PTPRD: variants seen among roughly 807,000 people sequenced by gnomAD.
PTPRD encodes the protein receptor-type tyrosine-protein phosphatase delta.
PTPRD carries 34 observed loss-of-function variants against 214.5 expected under a neutral mutation model. That is an observed-to-expected ratio of 0.16 (90% confidence interval 0.12 to 0.21). PTPRD has a LOEUF of 0.21. PTPRD is among the 10% of genes least tolerant of loss of function. PTPRD has a pLI of 1.00. For missense variants in PTPRD, 2,545 were observed against 2,398.7 expected, an observed-to-expected ratio of 1.06 and a Z score of -1.27; for synonymous variants, 1,128 against 845.7, an observed-to-expected ratio of 1.33 and a Z score of -5.79.
chr9:9,435,246 C>T (rs1188852591), intron 8 of PTPRD, among the ~76,000 whole-genome samples: 1 of 151,978 alleles, frequency 6.6e-6, no homozygotes, highest in Non-Finnish European at 1.5e-5. Flanking sequence ...TGCGGTGGCT[C>T]ACACTTGTAA....
At chr9:9,809,311 A>T (rs2046413687) in intron 5 of PTPRD, among the ~76,000 whole-genome samples, 1 of 137,378 alleles carries the variant, frequency 7.3e-6, no homozygotes. Context: ...TCTGTCTCCC[A>T]AACTGGAGTG....
At chr9:9,972,305 C>G (rs890653544) in intron 4 of PTPRD, among the ~76,000 whole-genome samples, 3 of 152,078 alleles carry the variant, frequency 2.0e-5, no homozygotes, top group Non-Finnish European at 4.4e-5. Context: ...AAAACTTGCC[C>G]CTATTTTTGC....
At chr9:9,910,835 A>C (rs1021591243) in intron 5 of PTPRD, among the ~76,000 whole-genome samples, 2 of 152,020 alleles carry the variant, frequency 1.3e-5, no homozygotes, top group African/African-American at 4.8e-5. Flanking sequence ...AATACTTGGA[A>C]AACTGAGAAG....
intron 43 of PTPRD, among the ~76,000 whole-genome samples, chr9:8,332,342 CAG>C (rs1564006100): frequency 6.6e-6 from 1 of 152,094 alleles, no homozygotes; most frequent in African/African-American, 2.4e-5. Context: ...CCCCATGTCT[CAG>C]AGGAATACCA....
chr9:9,217,826 CAT>C (rs1434837843), intron 9 of PTPRD, among the ~76,000 whole-genome samples: 2 of 152,092 alleles, frequency 1.3e-5, no homozygotes, highest in African/African-American at 4.8e-5. Flanking sequence ...TTATCTTGTC[CAT>C]ATGTTTTCTG....
At chr9:9,273,334 G>C (rs541938402) in intron 9 of PTPRD, among the ~76,000 whole-genome samples, 139 of 151,218 alleles carry the variant, frequency 9.2e-4, no homozygotes, top group South Asian at 1.9e-3. Context: ...GAGATCCTCT[G>C]CCACAACAGT....
intron 7 of PTPRD, among the ~76,000 whole-genome samples, chr9:9,612,694 A>G (rs10977876): frequency 0.34 from 51,793 of 151,860 alleles, 9,196 homozygotes; most frequent in Middle Eastern, 0.43. Flanking sequence ...AAAGGAATAT[A>G]AGAAAAACAA....
intron 34 of PTPRD, among the ~76,000 whole-genome samples, chr9:8,449,143 T>G (rs189924372): frequency 2.0e-5 from 3 of 152,294 alleles, no homozygotes; most frequent in Admixed American, 2.0e-4. Context: ...AACAAGTATA[T>G]TTTTTGTTAT....
At chr9:9,132,994 T>A (rs759852394) in intron 10 of PTPRD, among the ~76,000 whole-genome samples, 3 of 152,234 alleles carry the variant, frequency 2.0e-5, no homozygotes, top group Non-Finnish European at 2.9e-5. Flanking sequence ...GTTTTTCTTT[T>A]TTCATTTTTT....
At chr9:9,103,466 A>G (rs2099794124) in intron 10 of PTPRD, among the ~76,000 whole-genome samples, 1 of 152,224 alleles carries the variant, frequency 6.6e-6, no homozygotes, top group African/African-American at 2.4e-5. Context: ...ACAAGTAAAT[A>G]TATGATGAAC....
intron 36 of PTPRD, among the ~76,000 whole-genome samples, chr9:8,392,209 C>T (rs1367285927): frequency 6.6e-6 from 1 of 151,886 alleles, no homozygotes; most frequent in Non-Finnish European, 1.5e-5. Flanking sequence ...CATGGTGAGA[C>T]CCTGTCTCTA....
intron 2 of PTPRD, among the ~76,000 whole-genome samples, chr9:10,383,574 C>CT (rs994260582): frequency 4.0e-5 from 6 of 151,510 alleles, no homozygotes; most frequent in African/African-American, 1.5e-4. Flanking sequence ...ACTCACTTTT[C>CT]TTTTTTTAAT....
At chr9:10,315,843 G>C (rs984735571) in intron 3 of PTPRD, among the ~76,000 whole-genome samples, 2 of 151,806 alleles carry the variant, frequency 1.3e-5, no homozygotes, top group African/African-American at 4.8e-5. Context: ...TTGTTAGTTG[G>C]TGGCTTATGC....
chr9:9,705,815 C>G (rs1050354872), intron 7 of PTPRD, among the ~76,000 whole-genome samples: 1 of 152,058 alleles, frequency 6.6e-6, no homozygotes. Flanking sequence ...TTCTTGAAGT[C>G]TAATTGTAAT....
chr9:10,036,613 C>A (rs1235369024), intron 3 of PTPRD, among the ~76,000 whole-genome samples: 1 of 151,492 alleles, frequency 6.6e-6, no homozygotes, highest in Non-Finnish European at 1.5e-5. Flanking sequence ...TGAAACGGAG[C>A]CTGGTTCTGT....
chr9:10,228,172 C>A (rs1055134628), intron 3 of PTPRD, among the ~76,000 whole-genome samples: 4 of 151,850 alleles, frequency 2.6e-5, no homozygotes, highest in Admixed American at 6.6e-5. Flanking sequence ...AATCTTGGAA[C>A]ACAACTCGTT....
At chr9:9,838,257 G>A (rs2057371247) in intron 5 of PTPRD, among the ~76,000 whole-genome samples, 1 of 152,148 alleles carries the variant, frequency 6.6e-6, no homozygotes, top group African/African-American at 2.4e-5. Context: ...ATAGCAGCAT[G>A]ATTTGTAGTC....
At chr9:9,438,623 G>A (rs1003491472) in intron 8 of PTPRD, among the ~76,000 whole-genome samples, 1 of 152,098 alleles carries the variant, frequency 6.6e-6, no homozygotes, top group Non-Finnish European at 1.5e-5. Context: ...CTATGATGCC[G>A]AGCTTTATCA....
At chr9:8,863,126 C>T (rs77369623) in intron 11 of PTPRD, among the ~76,000 whole-genome samples, 6,346 of 152,262 alleles carry the variant, frequency 0.042, 319 homozygotes, top group African/African-American at 0.11. Flanking sequence ...AGCCATACCT[C>T]CTCCACTGAC....
Sources: allele counts gnomAD v4.1 joint callset (sites outside exome capture counted in the v4.1 genomes callset), GRCh38; gene constraint gnomAD v4.1.1; transcripts MANE v1.5; gene names NCBI Gene and HGNC (gene_info 2026-07-23, HGNC 2026-07-21).